Variants in UTRN observed in about 807,000 individuals in gnomAD.
The protein encoded by UTRN is dystrophin-related protein 1.
In UTRN, 283 loss-of-function variants were observed where a neutral mutation model predicts 463.9. The observed-to-expected ratio is 0.61, with a 90% confidence interval of 0.55 to 0.67. The LOEUF is 0.67. UTRN is among the 30% of genes least tolerant of loss of function. The pLI is 0.00. For missense variants in UTRN, 3,922 were observed against 4,084.3 expected (o/e 0.96, Z 1.08); for synonymous variants, 1,442 against 1,431.5 (o/e 1.01, Z -0.17).
At chr6:144,678,947 A>G (rs2128683850) in intron 52 of UTRN, among the ~76,000 whole-genome samples, 1 of 152,246 alleles carries the variant, frequency 6.6e-6, no homozygotes. Context: ...GGTGGGTGGT[A>G]ACATTATTTC....
At chr6:144,438,563 A>T (rs1032005400) in intron 11 of UTRN, among the ~76,000 whole-genome samples, 182 bp from the exon 12 acceptor site, 1 of 152,130 alleles carries the variant, frequency 6.6e-6, no homozygotes, top group Non-Finnish European at 1.5e-5. Flanking sequence ...CATTTAATGA[A>T]CTCCATTTAG....
chr6:144,677,567 A>G (rs139403895), intron 51 of UTRN, among the ~76,000 whole-genome samples: 3 of 152,342 alleles, frequency 2.0e-5, no homozygotes, highest in African/African-American at 7.2e-5. Context: ...ATAGTGCTGC[A>G]GTAAACATAC....
At chr6:144,572,686 T>C (rs1201780596) in intron 50 of UTRN, among the ~76,000 whole-genome samples, 2 of 152,166 alleles carry the variant, frequency 1.3e-5, no homozygotes, top group Non-Finnish European at 2.9e-5. Context: ...CTGAGAATGA[T>C]GGTTTCCAGC....
intron 34 of UTRN, among the ~76,000 whole-genome samples, chr6:144,499,813 T>C (rs1419973079): frequency 6.6e-6 from 1 of 152,144 alleles, no homozygotes; most frequent in East Asian, 1.9e-4. Flanking sequence ...TTCCCTTCTT[T>C]ATGGCCTTGC....
Position 144,479,906 on chromosome 6 carries a change from C to A in UTRN, c.3431C>A (p.Ala1144Asp), listed in dbSNP as rs150556096. The stretch of plus-strand genomic sequence containing the variant: ...GAGATGCAGGAATGGATGACCCAGG[C>A]CGAGGAAGAATATTTGGAGCGGGAT... The part of the protein sequence containing the change: ...LAEMQEWMTQ[A>D]EEEYLERDFE... Residue 1144 changes from alanine to aspartate, a missense_variant, in exon 26 of 75, where the codon GCC becomes GAC. Physicochemically the swap from Ala to Asp is moderately radical, Grantham distance 126 (BLOSUM62 -2). Around this residue, in one of 3 missense-constraint regions of UTRN, gnomAD observed 2,349 missense variants for 2,303.8 expected, o/e 1.02. Coordinates refer to ENST00000367545, the MANE Select transcript of UTRN (RefSeq NM_007124.3). 4 of 1,613,954 alleles carry A rather than the reference C, an allele frequency of 2.5e-6. No individual in the cohort carries two copies. The highest frequency in any genetic ancestry group is 2.5e-6 in the Non-Finnish European group (3 of 1,180,010).
At chr6:144,291,070 G>A (rs922760603) in intron 1 of UTRN, among the ~76,000 whole-genome samples, 3 of 151,942 alleles carry the variant, frequency 2.0e-5, no homozygotes, top group African/African-American at 2.4e-5. Context: ...CACCGTGCCC[G>A]TCCCTTGACG....
At chr6:144,813,197 TTA>T in intron 65 of UTRN, among the ~76,000 whole-genome samples, 7 of 151,794 alleles carry the variant, frequency 4.6e-5, no homozygotes, top group African/African-American at 1.7e-4. Flanking sequence ...ATTTATTTAT[TTA>T]TTTTTTTGAA....
intron 33 of UTRN, among the ~76,000 whole-genome samples, chr6:144,495,517 G>A (rs572160116): frequency 2.9e-4 from 44 of 152,194 alleles, no homozygotes; most frequent in Non-Finnish European, 5.6e-4. Context: ...TCCCGCTCGC[G>A]CCTCTCCCTC....
chr6:144,720,059 T>C (rs1225900632), intron 53 of UTRN, among the ~76,000 whole-genome samples: 1 of 152,194 alleles, frequency 6.6e-6, no homozygotes, highest in African/African-American at 2.4e-5. Context: ...GAGAGAAGGG[T>C]TTAGCAGGGA....
At chr6:144,614,359 C>T (rs1805844256) in intron 51 of UTRN, among the ~76,000 whole-genome samples, 1 of 152,014 alleles carries the variant, frequency 6.6e-6, no homozygotes, top group African/African-American at 2.4e-5. Flanking sequence ...GCTACCAAAT[C>T]ATAGGAAAAA....
intron 51 of UTRN, among the ~76,000 whole-genome samples, chr6:144,595,221 G>C (rs1054874665): frequency 6.6e-6 from 1 of 152,178 alleles, no homozygotes; most frequent in African/African-American, 2.4e-5. Flanking sequence ...TTAGAAAGCT[G>C]TTATAGGACC....
At chr6:144,412,474 G>T (rs373210599) in intron 3 of UTRN, among the ~76,000 whole-genome samples, 5 of 152,146 alleles carry the variant, frequency 3.3e-5, no homozygotes, top group African/African-American at 1.2e-4. Context: ...TGTTGAAATT[G>T]GGGTTCATGA....
In UTRN at chr6:144,305,259, G is replaced by A. The variant is rs139488098; in HGVS notation, c.79+13352G>A. ...ACAAACAAAAATCAGGTTGCACAATGTATTGAATGGTACTGTATATAAAGC... is the reference window on the plus strand; with the variant it reads ...ACAAACAAAAATCAGGTTGCACAATATATTGAATGGTACTGTATATAAAGC... On this transcript the variant is annotated intron_variant, in intron 2 of 74. Coordinates refer to ENST00000367545, the MANE Select transcript of UTRN (RefSeq NM_007124.3). 7.8e-3 allele frequency among the ~76,000 whole-genome samples: 1,182 copies of A among 152,268 alleles called. 15 individuals carry two copies. Among genetic ancestry groups the A allele is most frequent in the African/African-American group, 0.026 (1,076 of 41,548 alleles).
chr6:144,351,387 G>A (rs1213212670), intron 2 of UTRN, among the ~76,000 whole-genome samples: 4 of 152,120 alleles, frequency 2.6e-5, no homozygotes, highest in African/African-American at 9.7e-5. Context: ...ATTTAGATTC[G>A]TTAGTGATTT....
chr6:144,791,567 TTA>T (rs1054301249), intron 62 of UTRN, among the ~76,000 whole-genome samples: 35 of 145,050 alleles, frequency 2.4e-4, no homozygotes, highest in Admixed American at 2.3e-4. Context: ...AAGCGAGACC[TTA>T]AAAAAAAAAA....
intron 60 of UTRN, among the ~76,000 whole-genome samples, chr6:144,778,821 G>A (rs1267025358): frequency 6.6e-6 from 1 of 152,054 alleles, no homozygotes; most frequent in African/African-American, 2.4e-5. Flanking sequence ...AAATGATTAT[G>A]CTGTTTGTTT....
chr6:144,794,031 G>A lies in UTRN; in HGVS notation c.9078+40G>A, dbSNP rs777351927. ...TCACTGGTGTGTAGGATGTGTTGGCGAAGGGTTTTGAGGATGTTCTGAGAC... is the reference window on the plus strand; with the variant it reads ...TCACTGGTGTGTAGGATGTGTTGGCAAAGGGTTTTGAGGATGTTCTGAGAC... On this transcript the variant is annotated intron_variant, in intron 63 of 74. Coordinates refer to ENST00000367545, the MANE Select transcript of UTRN (RefSeq NM_007124.3). The A allele has an allele frequency of 1.7e-5, 27 of 1,604,578 alleles. No homozygotes were observed. The African/African-American group carries it at 2.0e-4, about 12-fold the overall frequency.
At chr6:144,518,588 T>C (rs1398876674) in intron 39 of UTRN, among the ~76,000 whole-genome samples, 1 of 152,230 alleles carries the variant, frequency 6.6e-6, no homozygotes, top group Non-Finnish European at 1.5e-5. Context: ...TTCTAACTTC[T>C]GTCAGATTAT....
At chr6:144,450,496 G>A (rs559416197) in intron 17 of UTRN, among the ~76,000 whole-genome samples, 1 of 152,264 alleles carries the variant, frequency 6.6e-6, no homozygotes, top group East Asian at 1.9e-4. Context: ...TGCCCCAATT[G>A]GATTAGAAGC....
Sources: allele counts gnomAD v4.1 joint callset (sites outside exome capture counted in the v4.1 genomes callset), GRCh38; gene constraint gnomAD v4.1.1; regional missense constraint gnomAD v4.1.1; transcripts MANE v1.5; gene names NCBI Gene and HGNC (gene_info 2026-07-23, HGNC 2026-07-21).